COL25A1: variants seen among roughly 807,000 people sequenced by gnomAD.
COL25A1 encodes collagen type XXV alpha 1 chain.
A neutral mutation model predicts 128.4 loss-of-function variants in COL25A1; 103 were observed. The ratio of observed to expected loss-of-function variants is 0.80; its 90% CI spans 0.68 to 0.94. COL25A1 has a LOEUF of 0.94. Ranked by LOEUF, COL25A1 falls within the 40% of genes least tolerant of loss-of-function variation. COL25A1 has a pLI of 0.00. For missense variants in COL25A1, 745 were observed against 840.0 expected, an observed-to-expected ratio of 0.89 and a Z score of 1.40; for synonymous variants, 279 against 277.2, an observed-to-expected ratio of 1.01 and a Z score of -0.06.
At chr4:109,187,151 T>A (rs925999107) in intron 3 of COL25A1, among the ~76,000 whole-genome samples, 7 of 124,406 alleles carry the variant, frequency 5.6e-5, no homozygotes, top group Admixed American at 3.4e-4. Flanking sequence ...TACCTTTTTT[T>A]AATAGTGACA....
intron 3 of COL25A1, among the ~76,000 whole-genome samples, chr4:109,300,200 T>G (rs1390149412): frequency 6.7e-6 from 1 of 149,924 alleles, no homozygotes; most frequent in Non-Finnish European, 1.5e-5. Flanking sequence ...AAAAAAACTC[T>G]GCACTAACAC....
intron 3 of COL25A1, among the ~76,000 whole-genome samples, chr4:109,254,089 GAAAA>G (rs536937780): frequency 1.5e-5 from 1 of 68,558 alleles, no homozygotes. Context: ...TCCGTCTCAA[GAAAA>G]AAAAAAAAAA....
chr4:109,173,675 C>T (rs1773801897), intron 3 of COL25A1, among the ~76,000 whole-genome samples: 1 of 151,970 alleles, frequency 6.6e-6, no homozygotes, highest in Non-Finnish European at 1.5e-5. Flanking sequence ...AGAATAAGAA[C>T]TCAATTTGTT....
Position 109,302,073 on chromosome 4 carries a change from A to C in COL25A1, c.-54T>G. ...CTTCCCACCCTCTACACCTCAAATA[A>C]TCCTAAAAGGAAAGAAAAAGGTCGA... On this transcript the variant is annotated splice_region_variant and 5_prime_UTR_variant, in exon 2 of 38. Coordinates refer to ENST00000399132, the MANE Select transcript of COL25A1 (RefSeq NM_198721.4). 6.6e-7 allele frequency: 1 copy of C among 1,508,988 alleles called. No individual in the cohort carries two copies. The allele number at this position is 1,508,988 out of a possible 1,614,324, so 93.5% of individuals were successfully genotyped here. A position where few individuals can be genotyped will look rare whatever the true frequency, so the allele number is the denominator to read the frequency against.
chr4:109,015,858 T>C (rs1214933153), intron 5 of COL25A1, among the ~76,000 whole-genome samples: 3 of 152,226 alleles, frequency 2.0e-5, no homozygotes, highest in Non-Finnish European at 4.4e-5. Flanking sequence ...AGAGCAATAT[T>C]AACTATTCTT....
At chr4:109,003,425 T>G (rs1484479662) in intron 6 of COL25A1, among the ~76,000 whole-genome samples, 1 of 152,276 alleles carries the variant, frequency 6.6e-6, no homozygotes. Context: ...TATGTTAATA[T>G]GAATTAATGA....
chr4:108,986,726 A>C (rs1477821122), intron 6 of COL25A1, among the ~76,000 whole-genome samples: 1 of 152,210 alleles, frequency 6.6e-6, no homozygotes, highest in Non-Finnish European at 1.5e-5. Flanking sequence ...AAACATCTGT[A>C]AAAAGACATT....
intron 16 of COL25A1, among the ~76,000 whole-genome samples, chr4:108,894,450 C>G (rs773747815): frequency 6.6e-6 from 1 of 151,916 alleles, no homozygotes; most frequent in Non-Finnish European, 1.5e-5. Flanking sequence ...CAGTTGGCCA[C>G]CTGCAAGACC....
At chr4:108,984,350 C>G (rs955166085) in intron 6 of COL25A1, among the ~76,000 whole-genome samples, 4 of 152,234 alleles carry the variant, frequency 2.6e-5, no homozygotes, top group Non-Finnish European at 4.4e-5. Context: ...CGCACAGGGG[C>G]TGCAGGTGGA....
At chr4:108,983,867 G>C (rs113340093) in intron 6 of COL25A1, among the ~76,000 whole-genome samples, 31 of 152,276 alleles carry the variant, frequency 2.0e-4, no homozygotes, top group African/African-American at 7.5e-4. Context: ...CGAAGAGTGA[G>C]CAGCAGCAGG....
intron 3 of COL25A1, among the ~76,000 whole-genome samples, chr4:109,197,011 G>C (rs911220698): frequency 7.2e-5 from 11 of 151,900 alleles, no homozygotes; most frequent in African/African-American, 2.7e-4. Flanking sequence ...ATGTTCAACA[G>C]TAAATATGTA....
At chr4:109,061,506 C>A (rs989364690) in intron 3 of COL25A1, among the ~76,000 whole-genome samples, 7 of 152,172 alleles carry the variant, frequency 4.6e-5, no homozygotes, top group Non-Finnish European at 7.4e-5. Context: ...TTGCTCAGTG[C>A]TATGATGTAT....
At chr4:109,030,332 C>CCATCCTA (rs1222926192) in intron 5 of COL25A1, among the ~76,000 whole-genome samples, 1 of 152,150 alleles carries the variant, frequency 6.6e-6, no homozygotes, top group Non-Finnish European at 1.5e-5. Context: ...CCCATCATTC[C>CCATCCTA]CATCCTACAC....
intron 18 of COL25A1, among the ~76,000 whole-genome samples, chr4:108,886,566 T>C (rs1389541688): frequency 1.3e-5 from 2 of 150,224 alleles, no homozygotes; most frequent in Non-Finnish European, 2.9e-5. Context: ...AGACAAAAGA[T>C]TGGACATTCC....
intron 3 of COL25A1, among the ~76,000 whole-genome samples, chr4:109,197,485 AT>A (rs1321827856): frequency 2.8e-4 from 36 of 126,634 alleles, no homozygotes; most frequent in Non-Finnish European, 5.6e-4. Context: ...TATATTATAT[AT>A]TATATATAAA....
At chr4:109,211,222 T>TTA (rs1553960132) in intron 3 of COL25A1, among the ~76,000 whole-genome samples, 2 of 141,338 alleles carry the variant, frequency 1.4e-5, no homozygotes, top group Admixed American at 7.1e-5. Flanking sequence ...TATATATATA[T>TTA]TGTGTGTGTG....
intron 3 of COL25A1, among the ~76,000 whole-genome samples, chr4:109,110,033 G>A (rs753536532): frequency 5.3e-5 from 8 of 152,192 alleles, no homozygotes; most frequent in African/African-American, 7.2e-5. Context: ...AGGATTGTAC[G>A]AATTTGTGTT....
intron 11 of COL25A1, among the ~76,000 whole-genome samples, chr4:108,936,718 G>A (rs903397901): frequency 2.0e-5 from 3 of 151,086 alleles, no homozygotes; most frequent in African/African-American, 7.3e-5. Flanking sequence ...CAGGAGAGCT[G>A]CTGAATACAA....
Position 108,811,081 on chromosome 4 carries a change from A to C in COL25A1, c.*2846T>G, listed in dbSNP as rs1730757772. ...ACCCTCTATCCAATAACACACATTAAAGAAATCTTTAAGGAAAGTATATTA... is the reference window on the plus strand; with the variant it reads ...ACCCTCTATCCAATAACACACATTACAGAAATCTTTAAGGAAAGTATATTA... On this transcript the variant is annotated 3_prime_UTR_variant, in exon 38 of 38. Coordinates refer to ENST00000399132, the MANE Select transcript of COL25A1 (RefSeq NM_198721.4). 6.6e-6 allele frequency: 1 copy of C among 152,098 alleles called. No homozygotes were observed. Among genetic ancestry groups the C allele is most frequent in the Non-Finnish European group, 1.5e-5 (1 of 67,918 alleles). The allele number at this position is 152,098 out of a possible 1,614,324, so 9.4% of individuals were successfully genotyped here.
Sources: gnomAD v4.1 joint callset for allele counts (sites outside exome capture counted in the v4.1 genomes callset) on GRCh38, gnomAD v4.1.1 for gene constraint, MANE v1.5 for transcripts, NCBI Gene and HGNC (gene_info 2026-07-23, HGNC 2026-07-21) for gene names.